The following HESX1 variants were observed in gnomAD, a reference collection of about 807,000 sequenced individuals.
The protein encoded by HESX1 is homeobox expressed in ES cells 1.
HESX1 carries 11 observed loss-of-function variants against 22.5 expected under a neutral mutation model. That is an observed-to-expected ratio of 0.49 (90% confidence interval 0.31 to 0.81). The LOEUF is 0.81. HESX1 is among the 30% of genes least tolerant of loss of function. HESX1 has a pLI of 0.05. For missense variants in HESX1, 201 were observed against 212.6 expected, an observed-to-expected ratio of 0.95 and a Z score of 0.34; for synonymous variants, 74 against 76.5, an observed-to-expected ratio of 0.97 and a Z score of 0.17.
At chr3:57,222,477 T>C (rs982291775) in intron 1 of HESX1, among the ~76,000 whole-genome samples, 10 of 152,172 alleles carry the variant, frequency 6.6e-5, no homozygotes, top group African/African-American at 2.4e-4. Flanking sequence ...CAGGTTAGTC[T>C]CAAATTCCTG....
chr3:57,207,433 G>C (rs1277883044), intron 1 of HESX1, among the ~76,000 whole-genome samples: 1 of 152,140 alleles, frequency 6.6e-6, no homozygotes, highest in African/African-American at 2.4e-5. Flanking sequence ...CTACTGTCTG[G>C]ATTGTGGACA....
chr3:57,198,954 T>TA lies in HESX1; in HGVS notation c.158-3dup. ...GTAGACATAAGTTACCATCTTTCCC[T>TA]AAAAACAAAAAAATAAGCCCTGTCT... On this transcript the variant is annotated splice_region_variant and splice_polypyrimidine_tract_variant and intron_variant, in intron 1 of 3. Transcript: ENST00000295934. 6.2e-7 allele frequency: 1 copy of TA among 1,613,510 alleles called. No homozygotes were observed.
intron 1 of HESX1, among the ~76,000 whole-genome samples, chr3:57,210,117 C>CT (rs1279504772): frequency 6.6e-6 from 1 of 152,118 alleles, no homozygotes; most frequent in African/African-American, 2.4e-5. Context: ...AAGAAAAAAA[C>CT]TGTGAAAACT....
chr3:57,206,526 CAAGT>C (rs2060520111), intron 1 of HESX1, among the ~76,000 whole-genome samples: 2 of 152,138 alleles, frequency 1.3e-5, no homozygotes, highest in South Asian at 4.1e-4. Context: ...GAGATCTCAA[CAAGT>C]AAGAGAAAAT....
At chr3:57,222,459 A>G (rs1405724500) in intron 1 of HESX1, among the ~76,000 whole-genome samples, 1 of 151,858 alleles carries the variant, frequency 6.6e-6, no homozygotes, top group Admixed American at 6.6e-5. Flanking sequence ...CGGTCTCACT[A>G]TGTTGCACAG....
chr3:57,198,537 G>C (rs751579534), intron 2 of HESX1, 45 bp from the exon 3 acceptor site: 2 of 1,239,724 alleles, frequency 1.6e-6, no homozygotes, highest in Non-Finnish European at 2.3e-6. Flanking sequence ...CCAAAAATGA[G>C]CTTTAATTTC....
At position 57,199,802 on chromosome 3, in the gene HESX1, C is replaced by T; in HGVS notation, c.117G>A (p.Met39Ile). The T allele has an allele frequency of 6.2e-7, 1 of 1,614,078 alleles. No individual in the cohort carries two copies. Reference sequence around the variant, plus strand: ...TGTCTGCCCAGGGCCTGTGGGGTTTCATTAATGGAACACAGTCTTTCTTCT... The same window carrying T: ...TGTCTGCCCAGGGCCTGTGGGGTTTTATTAATGGAACACAGTCTTTCTTCT... ...LDQKKDCVPL[M>I]KPHRPWADTC... The change falls in exon 1 of 4, where the codon ATG (methionine) becomes ATA (isoleucine). Residue 39 changes from methionine (M) to isoleucine (I), a missense_variant. Transcript: ENST00000295934.
chr3:57,200,077 CAT>C (rs2060476226), upstream of HESX1: 1 of 669,880 alleles, frequency 1.5e-6, no homozygotes, highest in Non-Finnish European at 2.7e-6. Context: ...AAAGTTTTAG[CAT>C]GTCAATGAAC....
At chr3:57,208,113 G>A (rs924903998) in intron 1 of HESX1, among the ~76,000 whole-genome samples, 1 of 152,112 alleles carries the variant, frequency 6.6e-6, no homozygotes, top group African/African-American at 2.4e-5. Context: ...GGGGGTGATG[G>A]CAGGGACTAA....
intron 1 of HESX1, among the ~76,000 whole-genome samples, chr3:57,211,402 C>T (rs894419846): frequency 3.3e-5 from 5 of 151,180 alleles, no homozygotes; most frequent in Admixed American, 6.6e-5. Context: ...TGGTAGCATG[C>T]GCCTGTGATC....
chr3:57,199,034 A>G, intron 1 of HESX1, 82 bp from the exon 2 acceptor site: 1 of 1,269,070 alleles, frequency 7.9e-7, no homozygotes, highest in Non-Finnish European at 1.1e-6. Context: ...TCAGGAACTC[A>G]TCTTTCATTT....
intron 1 of HESX1, among the ~76,000 whole-genome samples, chr3:57,217,972 C>T (rs544037416): frequency 5.3e-5 from 8 of 152,328 alleles, no homozygotes; most frequent in African/African-American, 1.9e-4. Context: ...GACTCCAACA[C>T]CCTGTTCTGG....
At chr3:57,202,390 C>A (rs1395188528), upstream of HESX1, among the ~76,000 whole-genome samples, 2 of 152,068 alleles carry the variant, frequency 1.3e-5, no homozygotes, top group Non-Finnish European at 2.9e-5. Context: ...GGCTGGAGTG[C>A]GGTGGCGTGA....
upstream of HESX1, among the ~76,000 whole-genome samples, chr3:57,202,271 G>C (rs765762084): frequency 5.9e-5 from 9 of 152,020 alleles, no homozygotes; most frequent in Middle Eastern, 3.4e-3. Flanking sequence ...ATAAAAGGCA[G>C]GAAAAATTAT....
chr3:57,210,518 A>G (rs1388400792), intron 1 of HESX1, among the ~76,000 whole-genome samples: 1 of 152,224 alleles, frequency 6.6e-6, no homozygotes, highest in Non-Finnish European at 1.5e-5. Flanking sequence ...TTACTTTTGC[A>G]TAGGAATTGC....
intron 1 of HESX1, among the ~76,000 whole-genome samples, chr3:57,206,906 A>G (rs2060522647): frequency 6.6e-6 from 1 of 152,172 alleles, no homozygotes; most frequent in South Asian, 2.1e-4. Context: ...CTTGTTCCAG[A>G]GACTGCTAGT....
At chr3:57,218,446 T>TC (rs1307165767) in intron 1 of HESX1, among the ~76,000 whole-genome samples, 1 of 148,520 alleles carries the variant, frequency 6.7e-6, no homozygotes, top group African/African-American at 2.5e-5. Flanking sequence ...ATTCTTTTTT[T>TC]TTTTTTTTTT....
chr3:57,199,928 G>T lies in HESX1; in HGVS notation c.-10C>A. 2.5e-6 allele frequency: 4 copies of T among 1,613,504 alleles called. No individual in the cohort carries two copies. The highest frequency in any genetic ancestry group is 3.4e-6 in the Non-Finnish European group (4 of 1,179,738). On this transcript the variant is annotated 5_prime_UTR_variant, in exon 1 of 4. Coordinates refer to ENST00000295934, the MANE Select transcript of HESX1 (RefSeq NM_003865.3). Reference sequence around the variant, plus strand: ...GAAGGCTGGGAGACATCCTCTCGTGGTCTGCACAGAGCAACAGCTCTGGCC... The same window carrying T: ...GAAGGCTGGGAGACATCCTCTCGTGTTCTGCACAGAGCAACAGCTCTGGCC...
At chr3:57,212,889 C>T (rs1294450541) in intron 1 of HESX1, among the ~76,000 whole-genome samples, 1 of 152,040 alleles carries the variant, frequency 6.6e-6, no homozygotes, top group African/African-American at 2.4e-5. Flanking sequence ...GTTTGCTGCA[C>T]CCATCAACTC....
Sources: gnomAD v4.1 joint callset for allele counts (sites outside exome capture counted in the v4.1 genomes callset) on GRCh38, gnomAD v4.1.1 for gene constraint, MANE v1.5 for transcripts, NCBI Gene and HGNC (gene_info 2026-07-23, HGNC 2026-07-21) for gene names.